Variants in TBC1D16 observed in about 807,000 individuals in gnomAD.
The protein encoded by TBC1D16 is CTD-2529O21.1.
TBC1D16 carries 58 observed loss-of-function variants against 74.7 expected under a neutral mutation model. That is an observed-to-expected ratio of 0.78 (90% confidence interval 0.63 to 0.97). TBC1D16 has a LOEUF of 0.97. Among genes scored for constraint, TBC1D16 ranks in the 50% least tolerant of loss-of-function variants. TBC1D16 has a pLI of 0.00. For missense variants in TBC1D16, 1,014 were observed against 1,079.5 expected (o/e 0.94, Z 0.85); for synonymous variants, 493 against 474.7 (o/e 1.04, Z -0.50).
chr17:79,956,199 C>G lies in TBC1D16; in HGVS notation c.780-3381G>C, dbSNP rs2033327054. On this transcript the variant is annotated intron_variant, in intron 3 of 11. Coordinates refer to ENST00000310924, the MANE Select transcript of TBC1D16 (RefSeq NM_019020.4). The surrounding 1 kb of genome is among the most constrained non-coding windows in gnomAD (Gnocchi z 4.0). The stretch of plus-strand genomic sequence containing the variant: ...AACTCCAGGGAGCCCAGCGCAACAG[C>G]CTGTCCCAGCCCAGCCCAAACCAAA... Among the ~76,000 whole-genome samples the G allele has an allele frequency of 6.6e-6, 1 of 152,232 alleles. No homozygotes were observed. The highest frequency in any genetic ancestry group is 1.5e-5 in the Non-Finnish European group (1 of 68,040).
At chr17:79,958,098 G>A (rs2033423061) in intron 3 of TBC1D16, among the ~76,000 whole-genome samples, 1 of 152,046 alleles carries the variant, frequency 6.6e-6, no homozygotes, top group Admixed American at 6.5e-5. Flanking sequence ...TAACATGGTG[G>A]GGGGATGGTT....
chr17:80,006,226 T>TTCTCTCTCTCTCTCTCTCTCTCTCTC (rs113353447), intron 3 of TBC1D16, among the ~76,000 whole-genome samples: 76 of 148,906 alleles, frequency 5.1e-4, no homozygotes, highest in African/African-American at 1.6e-3. Flanking sequence ...CTCTCTTTCT[T>TTCTCTCTCTCTCTCTCTCTCTCTCTC]TCTCTCTCTC....
intron 3 of TBC1D16, among the ~76,000 whole-genome samples, chr17:79,958,272 T>C (rs767917054): frequency 5.4e-4 from 80 of 149,518 alleles, no homozygotes; most frequent in Non-Finnish European, 1.0e-3. Context: ...CAGGCTGAAA[T>C]GCAATGGCAA....
intron 3 of TBC1D16, among the ~76,000 whole-genome samples, chr17:79,984,619 G>GAGAAGGAAGGAAGGAAGGAA (rs1491290219): frequency 4.9e-5 from 5 of 102,504 alleles, no homozygotes; most frequent in Admixed American, 1.1e-4. Context: ...GAGGGAGGGA[G>GAGAAGGAAGGAAGGAAGGAA]TGAAGGAAGG....
intron 3 of TBC1D16, among the ~76,000 whole-genome samples, chr17:79,978,165 G>T (rs2034418687): frequency 6.6e-6 from 1 of 152,170 alleles, no homozygotes; most frequent in African/African-American, 2.4e-5. Flanking sequence ...CAGCCAGAGG[G>T]ACTGGGAGCA....
rs1003596975 is a variant in TBC1D16, at chr17:79,936,289, G to A, written c.*4570C>T. 6.6e-6 allele frequency: 1 copy of A among 152,252 alleles called. No homozygotes were observed. Among genetic ancestry groups the A allele is most frequent in the Non-Finnish European group, 1.5e-5 (1 of 68,042 alleles). 9.4% of individuals were successfully genotyped at this position (152,252 alleles called of 1,614,324 possible). A position where few individuals can be genotyped will look rare whatever the true frequency, so the allele number is the denominator to read the frequency against. The stretch of plus-strand genomic sequence containing the variant: ...CACAGCTGGGTGGGCGTGTGGGAGT[G>A]CAGGTGTGCTGACTCCGAACCAAGG... On this transcript the variant is annotated 3_prime_UTR_variant, in exon 12 of 12. Coordinates refer to ENST00000310924, the MANE Select transcript of TBC1D16 (RefSeq NM_019020.4).
At chr17:80,004,492 A>T (rs1351133210) in intron 3 of TBC1D16, among the ~76,000 whole-genome samples, 2 of 152,200 alleles carry the variant, frequency 1.3e-5, no homozygotes, top group Non-Finnish European at 2.9e-5. Context: ...ATATAAAAAA[A>T]AGTGGGGTAA....
chr17:79,946,775 C>G (rs1222207039), intron 9 of TBC1D16, among the ~76,000 whole-genome samples: 1 of 152,210 alleles, frequency 6.6e-6, no homozygotes, highest in East Asian at 1.9e-4. Flanking sequence ...ACTGGGACTG[C>G]TCTGCTCAGC....
intron 10 of TBC1D16, chr17:79,943,737 T>G: frequency 3.1e-6 from 3 of 954,728 alleles, no homozygotes; most frequent in Non-Finnish European, 3.9e-6. Context: ...TCTGACTAGA[T>G]CTCATTACAC....
At chr17:79,948,282 C>T (rs2032731509) in intron 8 of TBC1D16, among the ~76,000 whole-genome samples, 1 of 145,346 alleles carries the variant, frequency 6.9e-6, no homozygotes, top group South Asian at 2.1e-4. Flanking sequence ...CACTGCACTC[C>T]AGTCTGGATG....
At chr17:79,969,431 A>C (rs2033983674) in intron 3 of TBC1D16, among the ~76,000 whole-genome samples, 4 of 152,252 alleles carry the variant, frequency 2.6e-5, no homozygotes, top group Admixed American at 2.0e-4. Context: ...CAACGTTGAG[A>C]TACCACTCCA....
intron 3 of TBC1D16, chr17:79,992,722 C>T (rs1234237780): frequency 6.6e-6 from 1 of 152,388 alleles, no homozygotes; most frequent in Non-Finnish European, 1.5e-5. Flanking sequence ...CACATATCTG[C>T]CACTAGCCCT....
rs558921124 is a variant in TBC1D16, at chr17:79,990,290, C to T, written c.779+19870G>A. Among the ~76,000 whole-genome samples the T allele has an allele frequency of 1.3e-5, 2 of 152,338 alleles. No individual in the cohort carries two copies. The highest frequency in any genetic ancestry group is 2.1e-4 in the South Asian group (1 of 4,826). ...CTCGGGCGCCCAGCCAGCGAGGGGC[C>T]GGCTCCAGGTGGTGGGAGCCCACGC... On this transcript the variant is annotated intron_variant, in intron 3 of 11. Coordinates refer to ENST00000310924, the MANE Select transcript of TBC1D16 (RefSeq NM_019020.4). The surrounding 1 kb of genome is among the most constrained non-coding windows in gnomAD (Gnocchi z 4.8).
At chr17:79,963,944 TTTGTTTGG>T (rs1479380387) in intron 3 of TBC1D16, among the ~76,000 whole-genome samples, 1 of 151,934 alleles carries the variant, frequency 6.6e-6, no homozygotes, top group East Asian at 1.9e-4. Flanking sequence ...TTTGTTTTTG[TTTGTTTGG>T]TTGTTTGGTT....
chr17:80,025,661 A>G (rs1203429060), intron 1 of TBC1D16: 4 of 117,304 alleles, frequency 3.4e-5, no homozygotes, highest in Admixed American at 1.0e-4. Flanking sequence ...CCCTCCTGCT[A>G]GAGTGCCAGG....
chr17:80,024,606 C>CACACACACCACACACCATAA (rs2036470209), intron 1 of TBC1D16, among the ~76,000 whole-genome samples: 1 of 146,846 alleles, frequency 6.8e-6, no homozygotes, highest in Admixed American at 6.7e-5. Context: ...ACACCATAGA[C>CACACACACCACACACCATAA]ACACACACCA....
intron 3 of TBC1D16, among the ~76,000 whole-genome samples, chr17:79,959,721 G>A (rs548791961): frequency 2.1e-4 from 32 of 152,146 alleles, no homozygotes; most frequent in Admixed American, 7.9e-4. Context: ...AACTCAAAAC[G>A]GATCACGGAC....
At chr17:79,977,269 G>A (rs922574827) in intron 3 of TBC1D16, among the ~76,000 whole-genome samples, 17 of 152,188 alleles carry the variant, frequency 1.1e-4, no homozygotes, top group Admixed American at 7.9e-4. Flanking sequence ...TCCCAGAGAC[G>A]GCCCGGTGCA....
At chr17:80,033,155 C>T (rs138164690) in intron 1 of TBC1D16, among the ~76,000 whole-genome samples, 166 of 152,258 alleles carry the variant, frequency 1.1e-3, no homozygotes, top group Non-Finnish European at 1.8e-3. Flanking sequence ...ATCCAAATAA[C>T]GGTCATTAAT....
Sources: allele counts gnomAD v4.1 joint callset (sites outside exome capture counted in the v4.1 genomes callset), GRCh38; gene constraint gnomAD v4.1.1; non-coding constraint Gnocchi (gnomAD v3.1); transcripts MANE v1.5; gene names NCBI Gene and HGNC (gene_info 2026-07-23, HGNC 2026-07-21).